The following HLA-DQA2 variants were observed in gnomAD, a reference collection of about 807,000 sequenced individuals.
HLA-DQA2 encodes the protein HLA class II histocompatibility antigen, DQ alpha 2 chain.
In HLA-DQA2, 17 loss-of-function variants were observed where a neutral mutation model predicts 21.0. That is an observed-to-expected ratio of 0.81 (90% CI 0.56 to 1.22). HLA-DQA2 has a LOEUF of 1.22. Ranked by LOEUF, HLA-DQA2 falls within the 50% of genes most tolerant of loss-of-function variation. The probability of loss-of-function intolerance (pLI) is 0.00; values close to 1 mark genes in which losing one functional copy is unlikely to be tolerated. For missense variants in HLA-DQA2, 239 were observed against 308.8 expected (o/e 0.77, Z 1.69); for synonymous variants, 81 against 116.5 (o/e 0.70, Z 1.96).
Position 32,746,722 on chromosome 6 carries a change from C to T in HLA-DQA2, c.*161C>T. The stretch of plus-strand genomic sequence containing the variant: ...CTCTGGGACTTAAGGTGCTATATTC[C>T]CTCAGAGCTCACAAATGCCTTTCAA... On this transcript the variant is annotated 3_prime_UTR_variant, in exon 5 of 5. Coordinates refer to ENST00000374940, the MANE Select transcript of HLA-DQA2 (RefSeq NM_020056.5). 1.8e-6 allele frequency: 1 copy of T among 566,720 alleles called. No homozygotes were observed. Among genetic ancestry groups the T allele is most frequent in the South Asian group, 1.5e-5 (1 of 64,530 alleles). 35.1% of individuals were successfully genotyped at this position (566,720 alleles called of 1,614,324 possible).
At chr6:32,744,170 T>A (rs1562186187) in intron 1 of HLA-DQA2, among the ~76,000 whole-genome samples, 1 of 152,144 alleles carries the variant, frequency 6.6e-6, no homozygotes, top group Non-Finnish European at 1.5e-5. Flanking sequence ...CAACCCCTGC[T>A]CTGTCTGACA....
In HLA-DQA2 at chr6:32,746,739, G is replaced by A. The variant is rs9276438; in HGVS notation, c.*178G>A. 0.076 allele frequency: 41,242 copies of A among 543,766 alleles called. 2,737 individuals carry two copies. The highest frequency in any genetic ancestry group is 0.25 in the African/African-American group (13,140 of 52,978). The allele number at this position is 543,766 out of a possible 1,614,324, so 33.7% of individuals were successfully genotyped here. On this transcript the variant is annotated 3_prime_UTR_variant, in exon 5 of 5. Coordinates refer to ENST00000374940, the MANE Select transcript of HLA-DQA2 (RefSeq NM_020056.5). ...CTATATTCCCTCAGAGCTCACAAAT[G>A]CCTTTCAATTCTTTCCCTGACCTCC... is the stretch of plus-strand genomic sequence containing the variant.
At position 32,745,301 on chromosome 6, in the gene HLA-DQA2, C is replaced by A; in HGVS notation, c.225C>A (p.Ser75Arg). The change falls in exon 2 of 5, where the codon AGC becomes AGA. Residue 75 changes from serine (S) to arginine (R), a missense_variant. Coordinates refer to ENST00000374940, the MANE Select transcript of HLA-DQA2 (RefSeq NM_020056.5). ...CTGTCTGGCAGTTGCCTATGTTTAG[C>A]AAATTTATAAGTTTTGACCCGCAGA... The part of the protein sequence containing the change: ...KETVWQLPMF[S>R]KFISFDPQSA... 6.2e-7 allele frequency: 1 copy of A among 1,611,788 alleles called. No homozygotes were observed. The highest frequency in any genetic ancestry group is 8.5e-7 in the Non-Finnish European group (1 of 1,179,606).
intron 1 of HLA-DQA2, among the ~76,000 whole-genome samples, chr6:32,743,805 A>C (rs1368955942): frequency 6.6e-6 from 1 of 152,180 alleles, no homozygotes; most frequent in African/African-American, 2.4e-5. Context: ...GGAAAAGACA[A>C]ACTTGGAGAG....
intron 1 of HLA-DQA2, among the ~76,000 whole-genome samples, chr6:32,742,293 G>C (rs1047578308): frequency 6.6e-6 from 1 of 152,122 alleles, no homozygotes; most frequent in Non-Finnish European, 1.5e-5. Context: ...ATGATAAAAT[G>C]CTTGGTAAAT....
chr6:32,747,124 C>T lies in HLA-DQA2; in HGVS notation c.*563C>T, dbSNP rs9276442. The T allele has an allele frequency of 0.11, 17,462 of 157,292 alleles. 1,607 individuals are homozygous for T. The highest frequency in any genetic ancestry group is 0.25 in the African/African-American group (9,888 of 39,958). The allele number at this position is 157,292 out of a possible 1,614,324, so 9.7% of individuals were successfully genotyped here. A position where few individuals can be genotyped will look rare whatever the true frequency, so the allele number is the denominator to read the frequency against. Reference sequence around the variant, plus strand: ...TACCCTTGGCCACTGCCAGCCACCCCTCAATTCAGGTACCAACGAACCCTC... The same window carrying T: ...TACCCTTGGCCACTGCCAGCCACCCTTCAATTCAGGTACCAACGAACCCTC... On this transcript the variant is annotated 3_prime_UTR_variant, in exon 5 of 5. Coordinates refer to ENST00000374940, the MANE Select transcript of HLA-DQA2 (RefSeq NM_020056.5).
chr6:32,745,443 C>G lies in HLA-DQA2; in HGVS notation c.331+36C>G, dbSNP rs182157803. The G allele has an allele frequency of 3.1e-5, 50 of 1,592,024 alleles. No individual in the cohort carries two copies. In the East Asian group the frequency reaches 1.0e-3, roughly 33 times the overall value. The stretch of plus-strand genomic sequence containing the variant: ...ACCATTCCGCCTCTCTTTACTGAAA[C>G]TAATCTTTCATACCAAGTTTTACTC... On this transcript the variant is annotated intron_variant, in intron 2 of 4. Coordinates refer to ENST00000374940, the MANE Select transcript of HLA-DQA2 (RefSeq NM_020056.5).
In HLA-DQA2 at chr6:32,746,642, T is replaced by A. The variant is rs902448594; in HGVS notation, c.*81T>A. The A allele has an allele frequency of 1.0e-5, 7 of 699,226 alleles. No homozygotes were observed. Among genetic ancestry groups the A allele is most frequent in the Non-Finnish European group, 1.8e-5 (7 of 384,036 alleles). The allele number at this position is 699,226 out of a possible 1,614,324, so 43.3% of individuals were successfully genotyped here. On this transcript the variant is annotated 3_prime_UTR_variant, in exon 5 of 5. Transcript: ENST00000374940. ...TGCTAAATGACCTAGCACTATTCTC[T>A]GGCCTGATTTATCATATCCCTTTTC...
chr6:32,743,385 T>C (rs17432921), intron 1 of HLA-DQA2, among the ~76,000 whole-genome samples: 8,488 of 152,180 alleles, frequency 0.056, 659 homozygotes, highest in African/African-American at 0.18. Flanking sequence ...TTGTCAAAAA[T>C]TGCAATTGTC....
At chr6:32,745,694 T>C (rs34299611) in intron 2 of HLA-DQA2, 97 bp from the exon 3 acceptor site, 827 of 1,339,062 alleles carry the variant, frequency 6.2e-4, no homozygotes, top group Non-Finnish European at 8.1e-4. Context: ...GACTATCAGG[T>C]GGTGAAATGC....
rs1763614349 is a variant in HLA-DQA2, at chr6:32,746,576, T to C, written c.*21-6T>C. 1.3e-6 allele frequency: 1 copy of C among 790,874 alleles called. No individual in the cohort carries two copies. The highest frequency in any genetic ancestry group is 2.2e-6 in the Non-Finnish European group (1 of 461,470). 49.0% of individuals were successfully genotyped at this position (790,874 alleles called of 1,614,324 possible). ...ACCCATCGATCTCATGTCTGTCCTG[T>C]TGCAGGTGCATCACCATCTACAGGA... On this transcript the variant is annotated splice_polypyrimidine_tract_variant and splice_region_variant and intron_variant, in intron 4 of 4. Coordinates refer to ENST00000374940, the MANE Select transcript of HLA-DQA2 (RefSeq NM_020056.5).
intron 4 of HLA-DQA2, 38 bp from the exon 5 acceptor site, chr6:32,746,544 C>T (rs1763612224): frequency 3.0e-6 from 3 of 989,714 alleles, no homozygotes; most frequent in Admixed American, 1.9e-5. Flanking sequence ...CACAGGAGGC[C>T]CCTCAGACCC....
chr6:32,743,095 G>T (rs985236308), intron 1 of HLA-DQA2, among the ~76,000 whole-genome samples: 1 of 149,174 alleles, frequency 6.7e-6, no homozygotes, highest in East Asian at 2.0e-4. Context: ...TCGATCTCCT[G>T]ACCTCATGAT....
rs768797433 is a variant in HLA-DQA2, at chr6:32,746,261, T to C, written c.635T>C (p.Met212Thr). Residue 212 changes from methionine (M) to threonine (T), a missense_variant, in exon 4 of 5, where the codon ATG (methionine) becomes ACG (threonine). Coordinates refer to ENST00000374940, the MANE Select transcript of HLA-DQA2 (RefSeq NM_020056.5). ...ACAGAGCCTGAGATTCCAGCCCCTATGTCAGAGCTCACAGAGACTTTGGTC... is the reference window on the plus strand; with the variant it reads ...ACAGAGCCTGAGATTCCAGCCCCTACGTCAGAGCTCACAGAGACTTTGGTC... ...KHWEPEIPAP[M>T]SELTETLVCA... The C allele has an allele frequency of 2.5e-6, 4 of 1,613,118 alleles. No individual in the cohort carries two copies. Among genetic ancestry groups the C allele is most frequent in the South Asian group, 1.1e-5 (1 of 91,090 alleles).
Position 32,745,205 on chromosome 6 carries a change from T to A in HLA-DQA2, c.129T>A (p.Gly43=). Residue 43 remains glycine (G), a synonymous_variant, in exon 2 of 5, where the codon GGT becomes GGA. Coordinates refer to ENST00000374940, the MANE Select transcript of HLA-DQA2 (RefSeq NM_020056.5). ...SYGVNFYQSH[G]PSGQYTHEFD... is the part of the protein sequence containing the mutation. ...GTGTGAACTTCTACCAGTCTCACGG[T>A]CCCTCTGGCCAGTACACCCATGAAT... 1 of 1,614,062 alleles carries A rather than the reference T, an allele frequency of 6.2e-7. No individual in the cohort carries two copies.
intron 3 of HLA-DQA2, 70 bp from the exon 4 acceptor site, chr6:32,746,170 C>T: frequency 4.5e-6 from 7 of 1,543,314 alleles, no homozygotes; most frequent in Non-Finnish European, 6.1e-6. Context: ...AGCCCTCCAC[C>T]CCATCCCATC....
In HLA-DQA2 at chr6:32,745,213, G is replaced by C; in HGVS notation, c.137G>C (p.Gly46Ala). 1 of 1,614,048 alleles carries C rather than the reference G, an allele frequency of 6.2e-7. No individual in the cohort carries two copies. The highest frequency in any genetic ancestry group is 1.3e-5 in the African/African-American group (1 of 75,008). ...TTCTACCAGTCTCACGGTCCCTCTG[G>C]CCAGTACACCCATGAATTTGATGGA... is the stretch of plus-strand genomic sequence containing the variant. ...VNFYQSHGPS[G>A]QYTHEFDGDE... Residue 46 changes from glycine to alanine, a missense_variant, in exon 2 of 5, where the codon GGC becomes GCC. Physicochemically the swap from Gly to Ala is moderately conservative, Grantham distance 60 (BLOSUM62 0). Transcript: ENST00000374940.
chr6:32,743,558 G>A (rs1763362067), intron 1 of HLA-DQA2, among the ~76,000 whole-genome samples: 1 of 150,914 alleles, frequency 6.6e-6, no homozygotes, highest in South Asian at 2.1e-4. Context: ...GCCCAGCAGA[G>A]GCTGAAACTA....
chr6:32,745,078 G>A, intron 1 of HLA-DQA2, 81 bp from the exon 2 acceptor site: 1 of 1,488,480 alleles, frequency 6.7e-7, no homozygotes, highest in Non-Finnish European at 9.1e-7. Context: ...ATATTTGAAA[G>A]TGAGTTTCTT....
Sources: allele counts gnomAD v4.1 joint callset (sites outside exome capture counted in the v4.1 genomes callset), GRCh38; gene constraint gnomAD v4.1.1; transcripts MANE v1.5; gene names NCBI Gene and HGNC (gene_info 2026-07-23, HGNC 2026-07-21).